Variants in HHIP observed in about 807,000 individuals in gnomAD.
The protein encoded by HHIP is hedgehog-interacting protein.
In HHIP, 12 loss-of-function variants were observed where a neutral mutation model predicts 74.0. The ratio of observed to expected loss-of-function variants is 0.16; its 90% CI spans 0.10 to 0.26. The LOEUF (loss-of-function observed/expected upper bound fraction) is 0.26. HHIP is among the 10% of genes least tolerant of loss of function. The pLI, the probability that HHIP is intolerant of heterozygous loss-of-function variation, is 1.00. For missense variants in HHIP, 788 were observed against 845.0 expected, an observed-to-expected ratio of 0.93 and a Z score of 0.84; for synonymous variants, 309 against 311.6, an observed-to-expected ratio of 0.99 and a Z score of 0.09.
At chr4:144,675,615 G>A (rs545477975) in intron 4 of HHIP, among the ~76,000 whole-genome samples, 1 of 152,050 alleles carries the variant, frequency 6.6e-6, no homozygotes, top group South Asian at 2.1e-4. Flanking sequence ...AACAAAAATA[G>A]TTCATGGCTC....
At chr4:144,722,703 A>C (rs1730671713) in intron 11 of HHIP, among the ~76,000 whole-genome samples, 1 of 152,126 alleles carries the variant, frequency 6.6e-6, no homozygotes, top group Non-Finnish European at 1.5e-5. Context: ...AAATACAAAA[A>C]ATTAGCTGGG....
At chr4:144,720,244 T>C (rs544947631) in intron 11 of HHIP, among the ~76,000 whole-genome samples, 82 of 152,324 alleles carry the variant, frequency 5.4e-4, no homozygotes, top group South Asian at 2.1e-3. Flanking sequence ...AGGGGATTAT[T>C]GAAGTTGGCA....
At chr4:144,709,126 A>T (rs1730222635) in intron 7 of HHIP, among the ~76,000 whole-genome samples, 2 of 152,200 alleles carry the variant, frequency 1.3e-5, no homozygotes, top group South Asian at 4.1e-4. Context: ...TATTATTACC[A>T]TTTAATGTTT....
At chr4:144,697,340 T>A (rs915231615) in intron 4 of HHIP, among the ~76,000 whole-genome samples, 55 of 152,198 alleles carry the variant, frequency 3.6e-4, no homozygotes, top group African/African-American at 1.2e-3. Flanking sequence ...ATTGTTTTAT[T>A]ACTTTATTAT....
At chr4:144,706,216 A>C (rs1449630803) in intron 4 of HHIP, among the ~76,000 whole-genome samples, 3 of 152,190 alleles carry the variant, frequency 2.0e-5, no homozygotes, top group Non-Finnish European at 4.4e-5. Context: ...TAACCCGGGA[A>C]AGAATTCTTC....
At position 144,681,237 on chromosome 4, in the gene HHIP, T is replaced by C. The variant is rs182466090; in HGVS notation, c.831+21399T>C. Among the ~76,000 whole-genome samples the C allele has an allele frequency of 1.5e-3, 229 of 152,300 alleles. 2 individuals are homozygous for C. Among genetic ancestry groups the C allele is most frequent in the African/African-American group, 4.9e-3 (205 of 41,580 alleles). On this transcript the variant is annotated intron_variant, in intron 4 of 12. Transcript: ENST00000296575. ...TCAGGTGTATATTAAGTCAATATGATTTGTATATTATACATTAATCTAACT... is the reference window on the plus strand; with the variant it reads ...TCAGGTGTATATTAAGTCAATATGACTTGTATATTATACATTAATCTAACT...
At chr4:144,687,490 G>A (rs1729523046) in intron 4 of HHIP, among the ~76,000 whole-genome samples, 1 of 152,140 alleles carries the variant, frequency 6.6e-6, no homozygotes, top group African/African-American at 2.4e-5. Context: ...CAATTTCACA[G>A]AGGATATTTT....
intron 4 of HHIP, among the ~76,000 whole-genome samples, chr4:144,672,075 C>T (rs1428238546): frequency 6.6e-6 from 1 of 152,114 alleles, no homozygotes; most frequent in Non-Finnish European, 1.5e-5. Context: ...TGCAAATCTC[C>T]AAGAGAATTA....
chr4:144,722,482 ATTTTCAGGTGATCTCTCAAC>A (rs936899392), intron 11 of HHIP, among the ~76,000 whole-genome samples: 1 of 152,106 alleles, frequency 6.6e-6, no homozygotes, highest in Admixed American at 6.5e-5. Context: ...TTCCAGGATT[ATTTTCAGGTGATCTCTCAAC>A]TTTTAAGGTT....
intron 4 of HHIP, among the ~76,000 whole-genome samples, chr4:144,664,343 G>A (rs1436479072): frequency 2.0e-5 from 3 of 152,174 alleles, no homozygotes; most frequent in African/African-American, 7.2e-5. Flanking sequence ...GGTCCACCAG[G>A]GCAAGCCCTG....
chr4:144,653,179 T>C (rs1728471045), intron 2 of HHIP, among the ~76,000 whole-genome samples: 1 of 152,148 alleles, frequency 6.6e-6, no homozygotes, highest in Non-Finnish European at 1.5e-5. Flanking sequence ...AGCTGATACA[T>C]ATATATATTG....
At chr4:144,652,890 A>G in intron 2 of HHIP, 93 bp downstream of exon 2, 1 of 838,514 alleles carries the variant, frequency 1.2e-6, no homozygotes. Context: ...AACTTGTAAA[A>G]TTTATCTTGC....
intron 4 of HHIP, among the ~76,000 whole-genome samples, chr4:144,694,028 TGTA>T (rs1297627647): frequency 2.6e-5 from 4 of 151,950 alleles, no homozygotes; most frequent in African/African-American, 9.7e-5. Context: ...TTGTTCATAT[TGTA>T]GTGTTTTAAT....
At chr4:144,651,399 CT>C (rs1194107942) in intron 1 of HHIP, among the ~76,000 whole-genome samples, 1 of 151,858 alleles carries the variant, frequency 6.6e-6, no homozygotes, top group Non-Finnish European at 1.5e-5. Context: ...TTACTTTGCT[CT>C]TGCAGATTCA....
rs1731227111 is a variant in HHIP at position 144,740,122 on chromosome 4, G to GT, written c.*2169dup. ...CTGTCTAAATCTGTCAAATCGTGCA[G>GT]TTTTATTACACATTCTCCAATTCTT... On this transcript the variant is annotated 3_prime_UTR_variant, in exon 13 of 13. Transcript: ENST00000296575. 6.6e-6 allele frequency: 1 copy of GT among 152,116 alleles called. No homozygotes were observed. The highest frequency in any genetic ancestry group is 1.9e-4 in the East Asian group (1 of 5,192). The allele number at this position is 152,116 out of a possible 1,614,324, so 9.4% of individuals were successfully genotyped here. A position where few individuals can be genotyped will look rare whatever the true frequency, so the allele number is the denominator to read the frequency against.
chr4:144,710,264 G>A (rs1489919307), intron 7 of HHIP, among the ~76,000 whole-genome samples: 1 of 152,150 alleles, frequency 6.6e-6, no homozygotes, highest in Non-Finnish European at 1.5e-5. Context: ...AGAGGAAAAT[G>A]TTCTCTCCAC....
intron 2 of HHIP, among the ~76,000 whole-genome samples, chr4:144,658,377 A>ATTTT (rs1159067065): frequency 6.7e-6 from 1 of 149,834 alleles, no homozygotes; most frequent in African/African-American, 2.5e-5. Flanking sequence ...TTATTTATTT[A>ATTTT]TTTATTTTTT....
intron 4 of HHIP, among the ~76,000 whole-genome samples, chr4:144,688,303 G>A (rs527401503): frequency 6.6e-6 from 1 of 152,242 alleles, no homozygotes; most frequent in South Asian, 2.1e-4. Flanking sequence ...TTGGCCTTGA[G>A]TAGCAATGTG....
rs563824105 is a variant in HHIP, at chr4:144,688,116, T to C, written c.832-18415T>C. 5.2e-4 allele frequency among the ~76,000 whole-genome samples: 79 copies of C among 152,266 alleles called. 1 individual carries two copies. Among genetic ancestry groups the C allele is most frequent in the African/African-American group, 1.8e-3 (76 of 41,546 alleles). On this transcript the variant is annotated intron_variant, in intron 4 of 12. Transcript: ENST00000296575. ...GCCTGTGAACGCATTTAAAGAAATTTTGCTCTAGAATCAGCACTGATTTTC... is the reference window on the plus strand; with the variant it reads ...GCCTGTGAACGCATTTAAAGAAATTCTGCTCTAGAATCAGCACTGATTTTC...
Sources: gnomAD v4.1 joint callset for allele counts (sites outside exome capture counted in the v4.1 genomes callset) on GRCh38, gnomAD v4.1.1 for gene constraint, MANE v1.5 for transcripts, NCBI Gene and HGNC (gene_info 2026-07-23, HGNC 2026-07-21) for gene names.